DNAJC11: variants seen among roughly 807,000 people sequenced by gnomAD.
DNAJC11 encodes the protein DnaJ heat shock protein family (Hsp40) member C11.
In DNAJC11, 15 loss-of-function variants were observed where a neutral mutation model predicts 78.6. The observed-to-expected ratio is 0.19, with a 90% CI of 0.13 to 0.29. The LOEUF (loss-of-function observed/expected upper bound fraction) is 0.29, where lower values mean the gene tolerates loss of function less well. Among genes scored for constraint, DNAJC11 ranks in the 10% least tolerant of loss-of-function variants. The pLI, the probability that DNAJC11 is intolerant of heterozygous loss-of-function variation, is 1.00. For synonymous variants in DNAJC11, 292 were observed against 272.1 expected (o/e 1.07, Z -0.72); for missense variants, 547 against 709.6 (o/e 0.77, Z 2.60).
chr1:6,660,106 C>T (rs1439887457), intron 4 of DNAJC11, among the ~76,000 whole-genome samples: 1 of 150,808 alleles, frequency 6.6e-6, no homozygotes, highest in Non-Finnish European at 1.5e-5. Flanking sequence ...CAGCCTTCCC[C>T]ACTTCCTTCG....
intron 12 of DNAJC11, chr1:6,637,742 G>A (rs967866603): frequency 2.6e-5 from 15 of 582,606 alleles, no homozygotes; most frequent in African/African-American, 1.1e-4. Context: ...ATGACCCTCC[G>A]GTGGCCACCG....
In DNAJC11 at chr1:6,634,214, C is replaced by A; in HGVS notation, c.*1461G>T. On this transcript the variant is annotated 3_prime_UTR_variant, in exon 16 of 16. Transcript: ENST00000377577. Reference sequence around the variant, plus strand: ...TTGTGGTGAGTGCCTTCTGTACAGTCGACTGCAAATGAAACGCAGAGGATG... The same window carrying A: ...TTGTGGTGAGTGCCTTCTGTACAGTAGACTGCAAATGAAACGCAGAGGATG... 1 of 972,810 alleles carries A rather than the reference C, an allele frequency of 1.0e-6. No individual in the cohort carries two copies. The highest frequency in any genetic ancestry group is 1.6e-5 in the South Asian group (1 of 64,230). 60.3% of individuals were successfully genotyped at this position (972,810 alleles called of 1,614,324 possible).
chr1:6,658,606 C>G (rs1161787041), intron 4 of DNAJC11, among the ~76,000 whole-genome samples: 1 of 151,532 alleles, frequency 6.6e-6, no homozygotes, highest in Non-Finnish European at 1.5e-5. Context: ...CTAGTAAATA[C>G]CTGACTTTTG....
At position 6,649,494 on chromosome 1, in the gene DNAJC11, C is replaced by T. The variant is rs1164845910; in HGVS notation, c.704+2035G>A. On this transcript the variant is annotated intron_variant, in intron 7 of 15. Coordinates refer to ENST00000377577, the MANE Select transcript of DNAJC11 (RefSeq NM_018198.4). ...AGGAAGCACTGCTTTGGTGCCTAAG[C>T]GGCCTCCGCCTGCCCCACAGGCCAC... Among the ~76,000 whole-genome samples, 4 of 152,090 alleles carry T rather than the reference C, an allele frequency of 2.6e-5. No individual in the cohort carries two copies. The East Asian group carries it at 5.8e-4, about 22-fold the overall frequency.
Position 6,652,818 on chromosome 1 carries a change from G to A in DNAJC11, c.630+11C>T. On this transcript the variant is annotated intron_variant, in intron 6 of 15. Coordinates refer to ENST00000377577, the MANE Select transcript of DNAJC11 (RefSeq NM_018198.4). ...CACAGACAACACAACTCAGCCAATA[G>A]ACATTCTTACCTCTCCCCATCCCTT... is the stretch of plus-strand genomic sequence containing the variant. 6.2e-7 allele frequency: 1 copy of A among 1,614,018 alleles called. No individual in the cohort carries two copies. The highest frequency in any genetic ancestry group is 8.5e-7 in the Non-Finnish European group (1 of 1,179,956).
intron 3 of DNAJC11, 136 bp from the exon 4 acceptor site, chr1:6,667,946 C>A: frequency 1.3e-6 from 1 of 774,182 alleles, no homozygotes; most frequent in South Asian, 1.7e-5. Flanking sequence ...CAGGAAGGAC[C>A]CCAAACCATG....
intron 3 of DNAJC11, among the ~76,000 whole-genome samples, chr1:6,672,958 G>A (rs773806786): frequency 2.0e-5 from 3 of 151,934 alleles, no homozygotes; most frequent in East Asian, 1.9e-4. Flanking sequence ...CTGACTGAGC[G>A]GCCAGGTGCA....
intron 10 of DNAJC11, among the ~76,000 whole-genome samples, chr1:6,643,194 T>C (rs373772054): frequency 4.2e-4 from 64 of 152,102 alleles, no homozygotes; most frequent in African/African-American, 1.5e-3. Flanking sequence ...GAAAGGCTGA[T>C]TCTGGAGAGG....
At chr1:6,695,111 G>A (rs991386909) in intron 1 of DNAJC11, among the ~76,000 whole-genome samples, 11 of 147,938 alleles carry the variant, frequency 7.4e-5, no homozygotes, top group South Asian at 2.2e-4. Context: ...GTGCCACTGC[G>A]CTCCAGCCTG....
At chr1:6,692,616 T>A (rs1384293083) in intron 1 of DNAJC11, among the ~76,000 whole-genome samples, 1 of 150,074 alleles carries the variant, frequency 6.7e-6, no homozygotes, top group East Asian at 1.9e-4. Context: ...GGAATTTTTT[T>A]TTTTTTTTTT....
chr1:6,641,390 A>AAAT (rs1553127114), intron 10 of DNAJC11, among the ~76,000 whole-genome samples: 3 of 127,154 alleles, frequency 2.4e-5, no homozygotes, highest in African/African-American at 5.9e-5. Flanking sequence ...AAAAAAAAAA[A>AAAT]ATATATATAT....
At chr1:6,643,277 ATT>A (rs60341247) in intron 10 of DNAJC11, among the ~76,000 whole-genome samples, 134 of 138,148 alleles carry the variant, frequency 9.7e-4, no homozygotes, top group East Asian at 1.1e-3. Flanking sequence ...GAAAACAGAC[ATT>A]TTTTTTTTTT....
At chr1:6,651,483 A>G (rs932595432) in intron 7 of DNAJC11, 46 bp downstream of exon 7, 30 of 1,541,892 alleles carry the variant, frequency 1.9e-5, no homozygotes, top group Non-Finnish European at 2.6e-5. Context: ...TAGTCTCCTA[A>G]GCCAACAAAG....
intron 6 of DNAJC11, 73 bp from the exon 7 acceptor site, chr1:6,651,675 A>T: frequency 9.0e-7 from 1 of 1,109,892 alleles, no homozygotes; most frequent in South Asian, 1.3e-5. Context: ...TCAGGTATGT[A>T]CCTCTAGGTA....
intron 3 of DNAJC11, among the ~76,000 whole-genome samples, chr1:6,669,963 T>C (rs1264863629): frequency 1.3e-5 from 2 of 152,030 alleles, no homozygotes; most frequent in Non-Finnish European, 2.9e-5. Context: ...ATAATTTTTT[T>C]TTTTTTTTGA....
At chr1:6,651,498 C>T (rs780746984) in intron 7 of DNAJC11, 31 bp downstream of exon 7, 34 of 1,600,320 alleles carry the variant, frequency 2.1e-5, no homozygotes, top group Admixed American at 8.4e-5. Flanking sequence ...ACAAAGACCA[C>T]CAAAGAGGAG....
chr1:6,636,631 G>A (rs1055037214), intron 14 of DNAJC11, among the ~76,000 whole-genome samples: 2 of 152,168 alleles, frequency 1.3e-5, no homozygotes. Flanking sequence ...CATGAAGGCA[G>A]GCGTGTGTTC....
chr1:6,660,157 T>C (rs1642186987), intron 4 of DNAJC11, among the ~76,000 whole-genome samples: 1 of 149,794 alleles, frequency 6.7e-6, no homozygotes, highest in Admixed American at 6.7e-5. Flanking sequence ...CCTTCTAATA[T>C]ATAATTTTTT....
At chr1:6,641,372 G>A (rs575627644) in intron 10 of DNAJC11, among the ~76,000 whole-genome samples, 9 of 93,126 alleles carry the variant, frequency 9.7e-5, no homozygotes, top group African/African-American at 3.6e-4. Context: ...GCGAAACTCC[G>A]TCTCCAAAAA....
Sources: allele counts gnomAD v4.1 joint callset (sites outside exome capture counted in the v4.1 genomes callset), GRCh38; gene constraint gnomAD v4.1.1; transcripts MANE v1.5; gene names NCBI Gene and HGNC (gene_info 2026-07-23, HGNC 2026-07-21).